Variants in FHIT observed in about 807,000 individuals in gnomAD.
FHIT encodes fragile histidine triad diadenosine triphosphatase, also known as bis(5'-adenosyl)-triphosphatase.
In FHIT, 19 loss-of-function variants were observed where a neutral mutation model predicts 17.9. The observed-to-expected ratio is 1.06, with a 90% CI of 0.74 to 1.56. FHIT has a LOEUF of 1.56. Among genes scored for constraint, FHIT ranks in the 40% most tolerant of loss-of-function variants. The pLI is 0.00. For synonymous variants in FHIT, 81 were observed against 69.7 expected, an observed-to-expected ratio of 1.16 and a Z score of -0.81; for missense variants, 248 against 189.2, an observed-to-expected ratio of 1.31 and a Z score of -1.82.
intron 6 of FHIT, among the ~76,000 whole-genome samples, chr3:60,012,904 A>G (rs756466086): frequency 1.3e-5 from 2 of 152,212 alleles, no homozygotes; most frequent in Non-Finnish European, 2.9e-5. Flanking sequence ...CTCACTAAAC[A>G]TTAACAGAGG....
rs538975967 is a variant in FHIT, at chr3:60,246,047, T to C, written c.104-231895A>G. 4.6e-5 allele frequency among the ~76,000 whole-genome samples: 7 copies of C among 152,282 alleles called. No homozygotes were observed. The South Asian group carries it at 1.2e-3, about 27-fold the overall frequency. ...TTTAATTCCCTTCATAATTTTCTGC[T>C]TAAAAAATGCTTATTTTTATATTGT... On this transcript the variant is annotated intron_variant, in intron 5 of 9. Transcript: ENST00000492590.
At chr3:60,982,248 G>A (rs910965326) in intron 3 of FHIT, among the ~76,000 whole-genome samples, 2 of 152,208 alleles carry the variant, frequency 1.3e-5, no homozygotes, top group Non-Finnish European at 2.9e-5. Context: ...TTGCTCTACA[G>A]GAGACTGTCC....
intron 8 of FHIT, among the ~76,000 whole-genome samples, chr3:59,752,882 T>C: frequency 6.6e-6 from 1 of 152,238 alleles, no homozygotes; most frequent in South Asian, 2.1e-4. Flanking sequence ...CCTTATAAAT[T>C]ACCCAGCCCC....
chr3:60,190,158 CA>C (rs1213197458), intron 5 of FHIT, among the ~76,000 whole-genome samples: 1 of 152,124 alleles, frequency 6.6e-6, no homozygotes, highest in African/African-American at 2.4e-5. Flanking sequence ...GACCTGCAAA[CA>C]ACATTTGGAA....
intron 5 of FHIT, among the ~76,000 whole-genome samples, chr3:60,216,029 C>A (rs1293581453): frequency 6.6e-6 from 1 of 152,120 alleles, no homozygotes; most frequent in Non-Finnish European, 1.5e-5. Flanking sequence ...TCAAGCACAT[C>A]TTTGTAGGTC....
intron 5 of FHIT, chr3:60,536,336 A>G (rs1311582055): frequency 6.6e-6 from 1 of 152,194 alleles, no homozygotes; most frequent in Admixed American, 6.5e-5. Flanking sequence ...AGGTCCTAAT[A>G]TTTTTTAAAA....
At chr3:60,510,106 A>C (rs1312954417) in intron 5 of FHIT, among the ~76,000 whole-genome samples, 1 of 152,212 alleles carries the variant, frequency 6.6e-6, no homozygotes. Context: ...TTCAGTAGCA[A>C]CATACTGTGG....
chr3:60,121,944 A>G (rs1171486554), intron 5 of FHIT, among the ~76,000 whole-genome samples: 1 of 152,034 alleles, frequency 6.6e-6, no homozygotes, highest in Non-Finnish European at 1.5e-5. Flanking sequence ...GGTTTATTTC[A>G]CTCTTTGCTC....
intron 3 of FHIT, among the ~76,000 whole-genome samples, chr3:60,899,574 C>A (rs1575662225): frequency 6.6e-6 from 1 of 152,168 alleles, no homozygotes; most frequent in Non-Finnish European, 1.5e-5. Context: ...AGGAAACCTG[C>A]TCCTAAAACT....
chr3:61,143,120 A>G (rs1019874164), intron 2 of FHIT, among the ~76,000 whole-genome samples: 4 of 152,204 alleles, frequency 2.6e-5, no homozygotes, highest in African/African-American at 4.8e-5. Context: ...GAGGGAAAAG[A>G]TACCAACTGC....
intron 3 of FHIT, among the ~76,000 whole-genome samples, chr3:60,969,780 T>C (rs1709917378): frequency 6.6e-6 from 1 of 152,194 alleles, no homozygotes; most frequent in Non-Finnish European, 1.5e-5. Context: ...AAAATGTATA[T>C]GCTTATTTGG....
At chr3:60,076,504 G>T (rs574056583) in intron 5 of FHIT, among the ~76,000 whole-genome samples, 13 of 152,140 alleles carry the variant, frequency 8.5e-5, no homozygotes, top group African/African-American at 3.1e-4. Flanking sequence ...GCCAAACTAA[G>T]AGCTTTCAGA....
rs1474422608 is a variant in FHIT, at chr3:59,749,179, CA to C, written c.*405del. 5.7e-5 allele frequency: 13 copies of C among 229,224 alleles called. No individual in the cohort carries two copies. The highest frequency in any genetic ancestry group is 8.9e-5 in the African/African-American group (4 of 45,094). The allele number at this position is 229,224 out of a possible 1,614,324, so 14.2% of individuals were successfully genotyped here. ...AATGTATAAAAATTCAATATGTAGA[CA>C]TTTTTTTTGAAAAGGGAAGAAATAA... is the stretch of plus-strand genomic sequence containing the variant. On this transcript the variant is annotated 3_prime_UTR_variant, in exon 10 of 10. Coordinates refer to ENST00000492590, the MANE Select transcript of FHIT (RefSeq NM_002012.4).
chr3:60,359,263 G>C (rs951604036), intron 5 of FHIT, among the ~76,000 whole-genome samples: 1 of 147,246 alleles, frequency 6.8e-6, no homozygotes, highest in Non-Finnish European at 1.5e-5. Context: ...ATTATTACTT[G>C]AATATGAAAA....
At chr3:60,305,492 T>G (rs1708630085) in intron 5 of FHIT, among the ~76,000 whole-genome samples, 1 of 152,150 alleles carries the variant, frequency 6.6e-6, no homozygotes, top group African/African-American at 2.4e-5. Flanking sequence ...GCCAACAAGT[T>G]AATATCTACT....
At chr3:59,760,559 CAAA>C (rs35692822) in intron 8 of FHIT, among the ~76,000 whole-genome samples, 6 of 135,260 alleles carry the variant, frequency 4.4e-5, no homozygotes, top group Non-Finnish European at 6.5e-5. Flanking sequence ...CCCATGCCAT[CAAA>C]AAAAAAAAAA....
chr3:59,858,425 A>G (rs989224491), intron 8 of FHIT, among the ~76,000 whole-genome samples: 5 of 151,666 alleles, frequency 3.3e-5, no homozygotes, highest in African/African-American at 1.2e-4. Context: ...ACGGGGTTTC[A>G]CCATGTTGGC....
intron 2 of FHIT, among the ~76,000 whole-genome samples, chr3:61,119,553 A>C (rs578162303): frequency 6.6e-6 from 1 of 152,266 alleles, no homozygotes; most frequent in South Asian, 2.1e-4. Context: ...CTGAGCTAAG[A>C]GATTCCCAGG....
intron 5 of FHIT, among the ~76,000 whole-genome samples, chr3:60,204,824 C>A (rs1332152681): frequency 7.2e-5 from 11 of 152,146 alleles, no homozygotes; most frequent in Non-Finnish European, 1.2e-4. Flanking sequence ...TGTAATGTAA[C>A]AATACCTATC....
Sources: allele counts gnomAD v4.1 joint callset (sites outside exome capture counted in the v4.1 genomes callset), GRCh38; gene constraint gnomAD v4.1.1; transcripts MANE v1.5; gene names NCBI Gene and HGNC (gene_info 2026-07-23, HGNC 2026-07-21).